Variants in DGAT2L6 observed in about 807,000 individuals in gnomAD.
DGAT2L6 encodes diacylglycerol O-acyltransferase 2-like protein 6.
A neutral mutation model predicts 25.5 loss-of-function variants in DGAT2L6; 22 were observed. The observed-to-expected ratio is 0.86, with a 90% CI of 0.62 to 1.23. The LOEUF is 1.23. DGAT2L6 is among the 50% of genes most tolerant of loss of function. The probability of loss-of-function intolerance (pLI) is 0.00; values close to 1 mark genes in which losing one functional copy is unlikely to be tolerated. For missense variants in DGAT2L6, 287 were observed against 253.2 expected, an observed-to-expected ratio of 1.13 and a Z score of -0.91; for synonymous variants, 100 against 94.7, an observed-to-expected ratio of 1.06 and a Z score of -0.32.
intron 1 of DGAT2L6, among the ~76,000 whole-genome samples, chrX:70,197,613 T>C (rs908436182): frequency 4.4e-5 from 5 of 112,841 alleles, no homozygotes; most frequent in African/African-American, 1.6e-4. Context: ...TTTGCTTATT[T>C]CGTTTTCAAT....
At chrX:70,202,398 G>A (rs888478390) in intron 5 of DGAT2L6, among the ~76,000 whole-genome samples, 6 of 111,851 alleles carry the variant, frequency 5.4e-5, no homozygotes, top group African/African-American at 2.0e-4. Context: ...CAACTGCAAG[G>A]GAGGCACTAG....
intron 1 of DGAT2L6, among the ~76,000 whole-genome samples, chrX:70,186,905 G>T (rs929423777): frequency 1.8e-5 from 2 of 112,125 alleles, no homozygotes; most frequent in Admixed American, 1.9e-4. Flanking sequence ...CTAGGCCAGT[G>T]AGGGCCTTGA....
At chrX:70,191,157 CCAGTAA>C (rs1264428683) in intron 1 of DGAT2L6, among the ~76,000 whole-genome samples, 1 of 112,094 alleles carries the variant, frequency 8.9e-6, no homozygotes, top group Non-Finnish European at 1.9e-5. Context: ...TAGTATAATT[CCAGTAA>C]CAGCCCAAAT....
chrX:70,184,654 C>T (rs2085354180), intron 1 of DGAT2L6, among the ~76,000 whole-genome samples: 1 of 109,456 alleles, frequency 9.1e-6, no homozygotes, highest in Admixed American at 9.7e-5. Context: ...TTTGTAGAGA[C>T]GAGGTCTCAC....
At chrX:70,204,246 A>G in intron 5 of DGAT2L6, 59 bp from the exon 6 acceptor site, 1 of 1,045,341 alleles carries the variant, frequency 9.6e-7, no homozygotes, top group Non-Finnish European at 1.3e-6. Flanking sequence ...CCCACCTTGG[A>G]GAGGATTTTT....
At chrX:70,197,458 C>G (rs780403669) in intron 1 of DGAT2L6, among the ~76,000 whole-genome samples, 3 of 111,604 alleles carry the variant, frequency 2.7e-5, no homozygotes, top group African/African-American at 6.5e-5. Context: ...GCTCTTAGAC[C>G]GCCTTTAGGA....
At chrX:70,194,211 C>A (rs376633753) in intron 1 of DGAT2L6, among the ~76,000 whole-genome samples, 33 of 110,637 alleles carry the variant, frequency 3.0e-4, no homozygotes, top group African/African-American at 8.5e-4. Flanking sequence ...GATCTGTATA[C>A]CAAAAACTGT....
At chrX:70,183,950 G>A (rs2085351655) in intron 1 of DGAT2L6, among the ~76,000 whole-genome samples, 1 of 110,895 alleles carries the variant, frequency 9.0e-6, no homozygotes, top group South Asian at 3.9e-4. Context: ...TGAAATGGGG[G>A]GCTCCTTTGA....
chrX:70,184,149 A>G (rs1042080141), intron 1 of DGAT2L6, among the ~76,000 whole-genome samples: 3 of 111,871 alleles, frequency 2.7e-5, no homozygotes, highest in Non-Finnish European at 5.6e-5. Flanking sequence ...ACCTTGAGCA[A>G]GTAAGTCATT....
chrX:70,186,384 A>T (rs1431486995), intron 1 of DGAT2L6, among the ~76,000 whole-genome samples: 2 of 112,288 alleles, frequency 1.8e-5, no homozygotes, highest in Non-Finnish European at 3.8e-5. Context: ...ATGAGCAAAG[A>T]TATCACAAGG....
intron 1 of DGAT2L6, among the ~76,000 whole-genome samples, chrX:70,178,078 G>C (rs1282400480): frequency 1.8e-5 from 2 of 109,399 alleles, no homozygotes; most frequent in African/African-American, 3.3e-5. Context: ...GGAGCTTGCA[G>C]TGAGCCAAGA....
chrX:70,184,431 G>A (rs2085353179), intron 1 of DGAT2L6, among the ~76,000 whole-genome samples: 1 of 109,867 alleles, frequency 9.1e-6, no homozygotes, highest in Admixed American at 9.7e-5. Flanking sequence ...GATAACTAAA[G>A]CAGATACAGG....
intron 1 of DGAT2L6, among the ~76,000 whole-genome samples, chrX:70,182,975 T>C (rs2085348353): frequency 9.1e-6 from 1 of 110,054 alleles, no homozygotes; most frequent in Admixed American, 9.6e-5. Context: ...GTATTTTTAG[T>C]AGAGACAGGG....
intron 1 of DGAT2L6, among the ~76,000 whole-genome samples, chrX:70,185,854 G>GT (rs57366005): frequency 0.26 from 24,560 of 94,650 alleles, 2,504 homozygotes; most frequent in African/African-American, 0.38. Flanking sequence ...AACTACTTTT[G>GT]TTTTTTTTTT....
intron 2 of DGAT2L6, 114 bp downstream of exon 2, chrX:70,199,495 G>T: frequency 2.0e-6 from 1 of 509,277 alleles, no homozygotes; most frequent in Non-Finnish European, 3.3e-6. Flanking sequence ...GAAGGAAGGG[G>T]AGGGAGAAGG....
Position 70,200,235 on chromosome X carries a change from ACTCAATTTCC to A in DGAT2L6, c.268-16_268-7del. On this transcript the variant is annotated splice_polypyrimidine_tract_variant and intron_variant, in intron 3 of 6. Transcript: ENST00000333026. ...TTCCTTCTTTGTAGCCAATGCTCTGACTCAATTTCCCTCTAACAGCTGGTGAAGACTCATG... is the reference window on the plus strand; with the variant it reads ...TTCCTTCTTTGTAGCCAATGCTCTGACTCTAACAGCTGGTGAAGACTCATG... 1 of 1,175,836 alleles carries A rather than the reference ACTCAATTTCC, an allele frequency of 8.5e-7. No individual in the cohort carries two copies. The highest frequency in any genetic ancestry group is 2.3e-4 in the Middle Eastern group (1 of 4,257).
intron 1 of DGAT2L6, among the ~76,000 whole-genome samples, chrX:70,195,557 T>C (rs1017106143): frequency 7.2e-5 from 8 of 111,132 alleles, no homozygotes; most frequent in Non-Finnish European, 1.5e-4. Flanking sequence ...GAGGATACTA[T>C]GCTAAGTGAA....
intron 6 of DGAT2L6, 114 bp from the exon 7 acceptor site, chrX:70,204,838 G>T: frequency 1.1e-6 from 1 of 895,131 alleles, no homozygotes; most frequent in Non-Finnish European, 1.5e-6. Context: ...GGGAAAGAAA[G>T]AAAGAAGGGG....
chrX:70,193,781 C>T (rs891590903), intron 1 of DGAT2L6, among the ~76,000 whole-genome samples: 6 of 112,121 alleles, frequency 5.4e-5, no homozygotes, highest in African/African-American at 1.3e-4. Flanking sequence ...GAAAAGTCCA[C>T]AGCTAACATC....
Sources: gnomAD v4.1 joint callset for allele counts (sites outside exome capture counted in the v4.1 genomes callset) on GRCh38, gnomAD v4.1.1 for gene constraint, MANE v1.5 for transcripts, NCBI Gene and HGNC (gene_info 2026-07-23, HGNC 2026-07-21) for gene names.